The following C10orf90 variants were observed in gnomAD, a reference collection of about 807,000 sequenced individuals.
The protein encoded by C10orf90 is (E2-independent) E3 ubiquitin-conjugating enzyme FATS.
C10orf90 carries 56 observed loss-of-function variants against 62.5 expected under a neutral mutation model. The observed-to-expected ratio is 0.90, with a 90% CI of 0.72 to 1.12. The LOEUF (loss-of-function observed/expected upper bound fraction) is 1.12. Ranked by LOEUF, C10orf90 falls within the 50% of genes most tolerant of loss-of-function variation. The pLI is 0.00. For missense variants in C10orf90, 970 were observed against 880.4 expected (o/e 1.10, Z -1.29); for synonymous variants, 386 against 340.4 (o/e 1.13, Z -1.47).
chr10:126,464,725 C>T lies in C10orf90; in HGVS notation c.1796G>A (p.Gly599Asp). ...GGGGAACTTGCTTTCTATCTGAACACCATTGTCTTCCTGCAGAGATGCACA... is the reference window on the plus strand; with the variant it reads ...GGGGAACTTGCTTTCTATCTGAACATCATTGTCTTCCTGCAGAGATGCACA... ...DVCASLQEDN[G>D]VQIESKFPKG... The change falls in exon 5 of 10, where the codon GGT becomes GAT. Residue 599 changes from glycine to aspartate, a missense_variant. Gly to Asp is a moderately conservative substitution (Grantham distance 94). Transcript: ENST00000488181. The T allele has an allele frequency of 6.2e-7, 1 of 1,613,272 alleles. No individual in the cohort carries two copies. Among genetic ancestry groups the T allele is most frequent in the South Asian group, 1.1e-5 (1 of 91,072 alleles).
At chr10:126,524,891 T>C (rs1166023858) in intron 2 of C10orf90, 2 of 919,876 alleles carry the variant, frequency 2.2e-6, no homozygotes, top group Non-Finnish European at 2.6e-6. Flanking sequence ...CATCACTATG[T>C]ACTCCCTCCT....
chr10:126,551,926 C>T (rs1008952741), intron 2 of C10orf90, among the ~76,000 whole-genome samples: 4 of 152,188 alleles, frequency 2.6e-5, no homozygotes, highest in African/African-American at 9.7e-5. Flanking sequence ...GACCCACTGC[C>T]TTTCCAGGGC....
intron 2 of C10orf90, among the ~76,000 whole-genome samples, chr10:126,613,427 G>A (rs1020724061): frequency 2.6e-5 from 4 of 151,924 alleles, no homozygotes; most frequent in South Asian, 2.1e-4. Flanking sequence ...TTCTTTTTCT[G>A]TAGAGACAAG....
intron 2 of C10orf90, among the ~76,000 whole-genome samples, chr10:126,616,402 G>C (rs1419284949): frequency 6.6e-6 from 1 of 152,168 alleles, no homozygotes; most frequent in Non-Finnish European, 1.5e-5. Flanking sequence ...GAGAAGTACG[G>C]CAATTAATTA....
At chr10:126,495,461 C>A (rs936497235) in intron 4 of C10orf90, among the ~76,000 whole-genome samples, 7 of 152,208 alleles carry the variant, frequency 4.6e-5, no homozygotes, top group Non-Finnish European at 7.3e-5. Flanking sequence ...ACTTTGTTTG[C>A]AGTAATGCCC....
chr10:126,457,653 C>T (rs1196309106), intron 7 of C10orf90, among the ~76,000 whole-genome samples: 1 of 152,192 alleles, frequency 6.6e-6, no homozygotes, highest in Non-Finnish European at 1.5e-5. Flanking sequence ...TCTCAAGTAG[C>T]ATCTTCAGAA....
At chr10:126,476,044 C>T (rs1364208131) in intron 4 of C10orf90, among the ~76,000 whole-genome samples, 1 of 152,186 alleles carries the variant, frequency 6.6e-6, no homozygotes, top group Non-Finnish European at 1.5e-5. Context: ...AGTCCTGTTC[C>T]TCCCTCCAGC....
At chr10:126,624,677 T>C (rs1374506798) in intron 2 of C10orf90, among the ~76,000 whole-genome samples, 4 of 152,236 alleles carry the variant, frequency 2.6e-5, no homozygotes, top group Admixed American at 2.6e-4. Flanking sequence ...CCTGCTTATG[T>C]TACTTATCCC....
rs377512738 is a variant in C10orf90 at position 126,425,203 on chromosome 10, G to A, written c.*661C>T. 1 of 152,004 alleles carries A rather than the reference G, an allele frequency of 6.6e-6. No homozygotes were observed. Among genetic ancestry groups the A allele is most frequent in the East Asian group, 1.9e-4 (1 of 5,192 alleles). 9.4% of individuals were successfully genotyped at this position (152,004 alleles called of 1,614,324 possible). ...GAGGAGTATTGTAGAAAACACTGAAGTTACGTCAGAGCTTCCATAGAAATG... is the reference window on the plus strand; with the variant it reads ...GAGGAGTATTGTAGAAAACACTGAAATTACGTCAGAGCTTCCATAGAAATG... On this transcript the variant is annotated 3_prime_UTR_variant, in exon 10 of 10. Coordinates refer to ENST00000488181, the MANE Select transcript of C10orf90 (RefSeq NM_001350921.2).
intron 2 of C10orf90, among the ~76,000 whole-genome samples, chr10:126,580,143 C>T (rs2134014462): frequency 6.6e-6 from 1 of 152,260 alleles, no homozygotes; most frequent in Admixed American, 6.5e-5. Context: ...TAAACACTGC[C>T]TAGTGAGAGG....
At position 126,453,483 on chromosome 10, in the gene C10orf90, GTA is replaced by G. The variant is rs142883740; in HGVS notation, c.2188+5555_2188+5556del. Among the ~76,000 whole-genome samples, 20,198 of 152,066 alleles carry G rather than the reference GTA, an allele frequency of 0.13. 1,450 individuals carry two copies. Among genetic ancestry groups the G allele is most frequent in the Non-Finnish European group, 0.16 (10,593 of 67,936 alleles). ...GAAGGATGGGAATCAGGACGGCTTTGTAGAAGAAGGGGATGTTCCTGAAGGGT... is the reference window on the plus strand; with the variant it reads ...GAAGGATGGGAATCAGGACGGCTTTGGAAGAAGGGGATGTTCCTGAAGGGT... On this transcript the variant is annotated intron_variant, in intron 7 of 9. Coordinates refer to ENST00000488181, the MANE Select transcript of C10orf90 (RefSeq NM_001350921.2). This position sits in a 1 kb window ranked among gnomAD's most constrained non-coding sequence, Gnocchi z 4.9.
intron 2 of C10orf90, among the ~76,000 whole-genome samples, chr10:126,560,448 T>C (rs1864875875): frequency 6.6e-6 from 1 of 152,188 alleles, no homozygotes; most frequent in Non-Finnish European, 1.5e-5. Flanking sequence ...TTCATCTTAA[T>C]GGGCAGTCCT....
intron 2 of C10orf90, among the ~76,000 whole-genome samples, chr10:126,625,741 T>G (rs2804436): frequency 6.6e-6 from 1 of 152,004 alleles, no homozygotes; most frequent in East Asian, 1.9e-4. Flanking sequence ...TATTCCTTTA[T>G]GTCATTCATT....
intron 2 of C10orf90, among the ~76,000 whole-genome samples, chr10:126,598,253 T>C (rs950671344): frequency 2.6e-5 from 4 of 151,974 alleles, no homozygotes; most frequent in Non-Finnish European, 5.9e-5. Context: ...CTGGCCCTTC[T>C]CCAGCAGCTG....
chr10:126,600,717 G>T (rs999002951), intron 2 of C10orf90, among the ~76,000 whole-genome samples: 5 of 152,090 alleles, frequency 3.3e-5, no homozygotes, highest in African/African-American at 1.2e-4. Context: ...ATGTGTGTGT[G>T]TGTTTCTTAG....
rs1406505879 is a variant in C10orf90, at chr10:126,504,333, G to A, written c.1158C>T (p.Val386=). 3.7e-6 allele frequency: 6 copies of A among 1,614,190 alleles called. No individual in the cohort carries two copies. Among genetic ancestry groups the A allele is most frequent in the Admixed American group, 1.7e-5 (1 of 60,022 alleles). ...AACTACAATTGAGGTTGAGCGACAG[G>A]ACGGATCTGTGCATTTTGGGGCTGG... The part of the protein sequence containing the change: ...QIASPKMHRS[V]LSLNLNCSSH... Residue 386 remains valine (V), a synonymous_variant, in exon 4 of 10, where the codon GTC becomes GTT. Transcript: ENST00000488181. The surrounding 1 kb of genome is among the most constrained non-coding windows in gnomAD (Gnocchi z 4.1).
chr10:126,529,020 G>A (rs946067779), intron 2 of C10orf90, among the ~76,000 whole-genome samples: 2 of 152,114 alleles, frequency 1.3e-5, no homozygotes, highest in Admixed American at 1.3e-4. Context: ...CAGGCTAGTG[G>A]AAAAGAATAA....
chr10:126,636,386 A>G (rs528500918), intron 2 of C10orf90, among the ~76,000 whole-genome samples: 1 of 152,300 alleles, frequency 6.6e-6, no homozygotes, highest in East Asian at 1.9e-4. Flanking sequence ...GTTGAAAAAG[A>G]AGAGAGAGGC....
intron 2 of C10orf90, among the ~76,000 whole-genome samples, chr10:126,533,057 G>C (rs1049206647): frequency 2.7e-5 from 4 of 150,228 alleles, no homozygotes; most frequent in Non-Finnish European, 5.9e-5. Flanking sequence ...CTCAGCCTCC[G>C]GAGTAGCTGG....
Sources: gnomAD v4.1 joint callset for allele counts (sites outside exome capture counted in the v4.1 genomes callset) on GRCh38, gnomAD v4.1.1 for gene constraint, Gnocchi (gnomAD v3.1) non-coding constraint, MANE v1.5 for transcripts, NCBI Gene and HGNC (gene_info 2026-07-23, HGNC 2026-07-21) for gene names.